The following C10orf143 variants were observed in gnomAD, a reference collection of about 807,000 sequenced individuals.
The protein encoded by C10orf143 is chromosome 10 open reading frame 143.
chr10:130,090,332 C>A (rs954006942), intron 1 of C10orf143, among the ~76,000 whole-genome samples: 1 of 152,120 alleles, frequency 6.6e-6, no homozygotes, highest in Non-Finnish European at 1.5e-5. Flanking sequence ...CCCTCCCCAG[C>A]CAAGGGAAGC....
chr10:130,057,017 C>T (rs1057410432), intron 3 of C10orf143, among the ~76,000 whole-genome samples: 3 of 151,632 alleles, frequency 2.0e-5, no homozygotes, highest in South Asian at 2.1e-4. Flanking sequence ...TCTCACTACT[C>T]GCTGAAAGTA....
At chr10:130,089,016 G>A (rs998210050) in intron 1 of C10orf143, among the ~76,000 whole-genome samples, 1 of 152,086 alleles carries the variant, frequency 6.6e-6, no homozygotes, top group East Asian at 1.9e-4. Context: ...TACTATGCTC[G>A]AGCTTTCAGT....
At chr10:130,105,935 T>A (rs1177086437) in intron 1 of C10orf143, 2 of 378,900 alleles carry the variant, frequency 5.3e-6, no homozygotes, top group Admixed American at 7.3e-5. Flanking sequence ...TCCACAATGG[T>A]CTGCTCCGGT....
rs182311636 is a variant in C10orf143, at chr10:130,064,118, C to T, written c.*236G>A. 81 of 371,638 alleles carry T rather than the reference C, an allele frequency of 2.2e-4. 2 individuals are homozygous for T. The South Asian group carries it at 4.9e-3, about 22-fold the overall frequency. 23.0% of individuals were successfully genotyped at this position (371,638 alleles called of 1,614,324 possible). A position where few individuals can be genotyped will look rare whatever the true frequency, so the allele number is the denominator to read the frequency against. Reference sequence around the variant, plus strand: ...GAACATTCGAAAGGAGGCTGTAGTACGTAGTAAGGATTTGGGGGCTCTTTT... The same window carrying T: ...GAACATTCGAAAGGAGGCTGTAGTATGTAGTAAGGATTTGGGGGCTCTTTT... On this transcript the variant is annotated 3_prime_UTR_variant, in exon 4 of 4. Coordinates refer to ENST00000637128, the MANE Select transcript of C10orf143 (RefSeq NM_001355042.2).
intron 1 of C10orf143, among the ~76,000 whole-genome samples, chr10:130,094,757 C>G (rs1861437178): frequency 6.6e-6 from 1 of 152,138 alleles, no homozygotes; most frequent in African/African-American, 2.4e-5. Flanking sequence ...ATGACAAACC[C>G]ACAGCCAATG....
In C10orf143 at chr10:130,064,080, C is replaced by T. The variant is rs980356376; in HGVS notation, c.*274G>A. ...GACTTGTAAATAATGCAATTGATCT[C>T]CCTCTCAACCAGGAACATTCGAAAG... On this transcript the variant is annotated 3_prime_UTR_variant, in exon 4 of 4. Transcript: ENST00000637128. 3.0e-6 allele frequency: 1 copy of T among 329,490 alleles called. No individual in the cohort carries two copies. Among genetic ancestry groups the T allele is most frequent in the Non-Finnish European group, 5.5e-6 (1 of 183,326 alleles). The allele number at this position is 329,490 out of a possible 1,614,324, so 20.4% of individuals were successfully genotyped here. A position where few individuals can be genotyped will look rare whatever the true frequency, so the allele number is the denominator to read the frequency against.
chr10:130,103,284 T>G (rs1177700), intron 1 of C10orf143, among the ~76,000 whole-genome samples: 81,288 of 151,690 alleles, frequency 0.54, 24,255 homozygotes, highest in Admixed American at 0.68. Context: ...CAGCTGAGTC[T>G]TGATTTTTTA....
In C10orf143 at chr10:130,076,792, C is replaced by T. The variant is rs190816443; in HGVS notation, c.297+2774G>A. ...GTGGCCTGTGCACACGCAAGCCGCG[C>T]GATCCGGGAATGGAAGCCTGCAGCC... is the stretch of plus-strand genomic sequence containing the variant. On this transcript the variant is annotated intron_variant, in intron 3 of 3. Transcript: ENST00000637128. Among the ~76,000 whole-genome samples the T allele has an allele frequency of 3.4e-3, 517 of 152,236 alleles. 6 individuals carry two copies. The highest frequency in any genetic ancestry group is 0.012 in the African/African-American group (479 of 41,536).
intron 3 of C10orf143, among the ~76,000 whole-genome samples, chr10:130,047,856 T>TA (rs397691174): frequency 6.6e-6 from 1 of 151,670 alleles, no homozygotes; most frequent in Non-Finnish European, 1.5e-5. Context: ...TTTTTTTTTT[T>TA]CGGATTTATC....
chr10:130,061,564 A>T (rs886583565), downstream of C10orf143, among the ~76,000 whole-genome samples: 1 of 152,196 alleles, frequency 6.6e-6, no homozygotes, highest in Admixed American at 6.5e-5. Context: ...GCAATAACAG[A>T]TTATAATTAA....
chr10:130,078,184 A>C (rs1861150601), intron 3 of C10orf143, among the ~76,000 whole-genome samples: 1 of 152,236 alleles, frequency 6.6e-6, no homozygotes, highest in Admixed American at 6.5e-5. Flanking sequence ...AAAATGATCC[A>C]ATCAGTTGCT....
chr10:130,101,198 AAC>A (rs1861544200), intron 1 of C10orf143: 1 of 151,926 alleles, frequency 6.6e-6, no homozygotes, highest in African/African-American at 2.4e-5. Context: ...CAGCCTGGGC[AAC>A]AGAGACTCTG....
At chr10:130,076,561 C>G (rs1390104281) in intron 3 of C10orf143, among the ~76,000 whole-genome samples, 1 of 152,202 alleles carries the variant, frequency 6.6e-6, no homozygotes, top group South Asian at 2.1e-4. Flanking sequence ...ACTAGGAAAA[C>G]ACGGTGCTGA....
At chr10:130,107,111 C>T (rs747430970) in intron 1 of C10orf143, 136 of 1,599,806 alleles carry the variant, frequency 8.5e-5, no homozygotes, top group Non-Finnish European at 1.0e-4. Flanking sequence ...TAAAAATCTT[C>T]GGACTGAACA....
chr10:130,063,295 T>C (rs952758436), downstream of C10orf143, among the ~76,000 whole-genome samples: 7 of 152,120 alleles, frequency 4.6e-5, no homozygotes, highest in African/African-American at 1.7e-4. Flanking sequence ...AAGAGTTTTC[T>C]TTTTTTCCCG....
At chr10:130,110,638 G>A (rs1433848610) in intron 1 of C10orf143, 66 bp downstream of exon 1, 1 of 398,430 alleles carries the variant, frequency 2.5e-6, no homozygotes, top group Non-Finnish European at 4.4e-6. Flanking sequence ...AAAACGAGGC[G>A]CGGTGGGAAC....
intron 1 of C10orf143, among the ~76,000 whole-genome samples, chr10:130,101,661 T>C (rs538317654): frequency 6.4e-4 from 97 of 151,564 alleles, no homozygotes; most frequent in Admixed American, 1.5e-3. Flanking sequence ...GGTCAGGAGA[T>C]TGAGACCATC....
At position 130,056,474 on chromosome 10, in the gene C10orf143, G is replaced by C. The variant is rs1860796660; in HGVS notation, c.298-20504C>G. Among the ~76,000 whole-genome samples the C allele has an allele frequency of 6.6e-6, 1 of 152,098 alleles. No individual in the cohort carries two copies. The highest frequency in any genetic ancestry group is 6.5e-5 in the Admixed American group (1 of 15,268). Reference sequence around the variant, plus strand: ...GGTGACTGAGAACTCATACTTGGCTGGTCCATAGTCAGTGAGAAATGAGGA... The same window carrying C: ...GGTGACTGAGAACTCATACTTGGCTCGTCCATAGTCAGTGAGAAATGAGGA... On this transcript the variant is annotated intron_variant and NMD_transcript_variant, in intron 3 of 5. Transcript: ENST00000643056. This position sits in a 1 kb window ranked among gnomAD's most constrained non-coding sequence, Gnocchi z 4.6.
At chr10:130,095,401 C>T (rs1324835466) in intron 1 of C10orf143, among the ~76,000 whole-genome samples, 1 of 152,226 alleles carries the variant, frequency 6.6e-6, no homozygotes, top group Non-Finnish European at 1.5e-5. Flanking sequence ...CTATCACCAT[C>T]AAGCTACCAC....
Sources: gnomAD v4.1 joint callset for allele counts (sites outside exome capture counted in the v4.1 genomes callset) on GRCh38, gnomAD v4.1.1 for gene constraint, Gnocchi (gnomAD v3.1) non-coding constraint, MANE v1.5 for transcripts, NCBI Gene and HGNC (gene_info 2026-07-23, HGNC 2026-07-21) for gene names.